LRRTM4: variants seen among roughly 807,000 people sequenced by gnomAD.
LRRTM4 encodes the protein leucine-rich repeat transmembrane neuronal protein 4.
LRRTM4 carries 25 observed loss-of-function variants against 47.6 expected under a neutral mutation model. The ratio of observed to expected loss-of-function variants is 0.53; its 90% CI spans 0.38 to 0.73. The LOEUF (loss-of-function observed/expected upper bound fraction) is 0.73, where lower values mean the gene tolerates loss of function less well. Ranked by LOEUF, LRRTM4 falls within the 30% of genes least tolerant of loss-of-function variation. The pLI, the probability that LRRTM4 is intolerant of heterozygous loss-of-function variation, is 0.00. For synonymous variants in LRRTM4, 311 were observed against 269.5 expected, an observed-to-expected ratio of 1.15 and a Z score of -1.51; for missense variants, 638 against 713.4, an observed-to-expected ratio of 0.89 and a Z score of 1.20.
Position 77,313,753 on chromosome 2 carries a change from T to C in LRRTM4, c.1551+204565A>G, listed in dbSNP as rs1427700071. 2.6e-5 allele frequency among the ~76,000 whole-genome samples: 4 copies of C among 152,270 alleles called. No homozygotes were observed. The East Asian group carries it at 7.7e-4, about 29-fold the overall frequency. ...TAGAGTGTTCTTCCTGAAGCCTAACTCTGAAAATACCAACACTCTTCTCCC... is the reference window on the plus strand; with the variant it reads ...TAGAGTGTTCTTCCTGAAGCCTAACCCTGAAAATACCAACACTCTTCTCCC... On this transcript the variant is annotated intron_variant, in intron 3 of 3. Coordinates refer to ENST00000409884, the MANE Select transcript of LRRTM4 (RefSeq NM_001134745.3).
At chr2:77,168,383 T>A (rs12172892) in intron 3 of LRRTM4, among the ~76,000 whole-genome samples, 1 of 151,762 alleles carries the variant, frequency 6.6e-6, no homozygotes, top group African/African-American at 2.4e-5. Context: ...TGCTACTTAT[T>A]ATCTCTTTTA....
intron 3 of LRRTM4, among the ~76,000 whole-genome samples, chr2:76,863,819 G>A (rs1454007707): frequency 2.6e-5 from 4 of 152,144 alleles, no homozygotes; most frequent in Admixed American, 2.0e-4. Flanking sequence ...GATATAGAAG[G>A]CAAAGTAATC....
chr2:77,420,533 G>T (rs746022416), intron 3 of LRRTM4, among the ~76,000 whole-genome samples: 32 of 151,842 alleles, frequency 2.1e-4, no homozygotes, highest in South Asian at 6.2e-4. Flanking sequence ...TGCAGCACTG[G>T]AGAAAGGACG....
chr2:77,342,413 T>C (rs951501108), intron 3 of LRRTM4, among the ~76,000 whole-genome samples: 1 of 151,846 alleles, frequency 6.6e-6, no homozygotes, highest in African/African-American at 2.4e-5. Flanking sequence ...CTACAACAAA[T>C]AATTATCTGC....
At chr2:76,842,300 C>T (rs1465457859) in intron 3 of LRRTM4, among the ~76,000 whole-genome samples, 1 of 152,142 alleles carries the variant, frequency 6.6e-6, no homozygotes, top group African/African-American at 2.4e-5. Flanking sequence ...TCATACTACA[C>T]CGCTGGCTTT....
intron 3 of LRRTM4, among the ~76,000 whole-genome samples, chr2:77,386,496 G>A (rs772644959): frequency 2.0e-5 from 3 of 152,068 alleles, no homozygotes; most frequent in East Asian, 1.9e-4. Flanking sequence ...TATGTGCCAC[G>A]TTTTCTTTAT....
At chr2:77,365,972 A>C (rs148535162) in intron 3 of LRRTM4, among the ~76,000 whole-genome samples, 2 of 150,076 alleles carry the variant, frequency 1.3e-5, no homozygotes, top group African/African-American at 4.9e-5. Flanking sequence ...TAAATAATTA[A>C]TTTCTACTTC....
chr2:76,888,498 T>G (rs1673149472), intron 3 of LRRTM4, among the ~76,000 whole-genome samples: 1 of 151,638 alleles, frequency 6.6e-6, no homozygotes, highest in Admixed American at 6.6e-5. Context: ...CTTTTTAAAA[T>G]ACAATATGTA....
intron 3 of LRRTM4, among the ~76,000 whole-genome samples, chr2:77,389,033 AT>A (rs1340377067): frequency 6.6e-6 from 1 of 151,990 alleles, no homozygotes; most frequent in African/African-American, 2.4e-5. Flanking sequence ...ACAATGGAGG[AT>A]TTTCCATAAT....
intron 3 of LRRTM4, among the ~76,000 whole-genome samples, chr2:76,783,212 A>C (rs749512776): frequency 6.6e-6 from 1 of 152,202 alleles, no homozygotes; most frequent in Non-Finnish European, 1.5e-5. Flanking sequence ...CCTACCCCAT[A>C]GTAAGCAGTA....
intron 3 of LRRTM4, among the ~76,000 whole-genome samples, chr2:76,795,502 GTATTTAAAA>G (rs1675238841): frequency 6.6e-6 from 1 of 151,968 alleles, no homozygotes. Context: ...AATCTGGTGA[GTATTTAAAA>G]TATGAGAGCA....
intron 3 of LRRTM4, among the ~76,000 whole-genome samples, chr2:76,982,141 A>G (rs1022658521): frequency 6.6e-5 from 10 of 152,038 alleles, no homozygotes; most frequent in African/African-American, 2.4e-4. Flanking sequence ...ACCATTTGTC[A>G]TATTTCCTCT....
intron 3 of LRRTM4, among the ~76,000 whole-genome samples, chr2:77,031,350 G>C (rs1394489558): frequency 6.6e-6 from 1 of 151,290 alleles, no homozygotes; most frequent in African/African-American, 2.4e-5. Flanking sequence ...GTGGCTTTAT[G>C]TCTTTATTTC....
intron 3 of LRRTM4, among the ~76,000 whole-genome samples, chr2:77,251,181 A>G (rs559379164): frequency 3.2e-5 from 1 of 31,368 alleles, no homozygotes. Flanking sequence ...GTGTGTGTGT[A>G]TATATATACA....
chr2:77,071,633 G>C (rs946214377), intron 3 of LRRTM4, among the ~76,000 whole-genome samples: 1 of 152,018 alleles, frequency 6.6e-6, no homozygotes, highest in African/African-American at 2.4e-5. Context: ...GTCTGAATAG[G>C]ACTATTAAAA....
At chr2:76,959,831 A>G (rs1675794402) in intron 3 of LRRTM4, among the ~76,000 whole-genome samples, 1 of 151,616 alleles carries the variant, frequency 6.6e-6, no homozygotes, top group African/African-American at 2.4e-5. Flanking sequence ...CATTTACATT[A>G]TTTAAAATTC....
chr2:77,060,026 G>T (rs1172471244), intron 3 of LRRTM4, among the ~76,000 whole-genome samples: 1 of 152,180 alleles, frequency 6.6e-6, no homozygotes, highest in African/African-American at 2.4e-5. Flanking sequence ...GCAGACTATG[G>T]CTTGCAGGCC....
intron 3 of LRRTM4, among the ~76,000 whole-genome samples, chr2:77,226,372 A>C (rs1674808209): frequency 1.3e-5 from 2 of 151,730 alleles, no homozygotes; most frequent in Non-Finnish European, 2.9e-5. Flanking sequence ...TACATATAAG[A>C]ATAGGTCTAT....
At chr2:77,161,473 T>G (rs1384573364) in intron 3 of LRRTM4, among the ~76,000 whole-genome samples, 1 of 152,194 alleles carries the variant, frequency 6.6e-6, no homozygotes, top group Non-Finnish European at 1.5e-5. Context: ...ATAATTAAAC[T>G]CTTCTTTATA....
Sources: gnomAD v4.1 joint callset for allele counts (sites outside exome capture counted in the v4.1 genomes callset) on GRCh38, gnomAD v4.1.1 for gene constraint, MANE v1.5 for transcripts, NCBI Gene and HGNC (gene_info 2026-07-23, HGNC 2026-07-21) for gene names.